Variants in OPCML observed in about 807,000 individuals in gnomAD.
OPCML encodes opioid binding protein/cell adhesion molecule like.
Under a neutral mutation model 37.8 loss-of-function variants are expected in OPCML, and 13 were observed. The ratio of observed to expected loss-of-function variants is 0.34; its 90% CI spans 0.22 to 0.55. The LOEUF is 0.55. OPCML is among the 20% of genes least tolerant of loss of function. The pLI is 0.91. For synonymous variants in OPCML, 176 were observed against 168.8 expected (o/e 1.04, Z -0.33); for missense variants, 341 against 435.6 (o/e 0.78, Z 1.93).
chr11:132,690,791 G>A (rs1188550052), intron 2 of OPCML, among the ~76,000 whole-genome samples: 1 of 152,186 alleles, frequency 6.6e-6, no homozygotes, highest in Non-Finnish European at 1.5e-5. Flanking sequence ...AAAGAGGCAG[G>A]AACTCATTGC....
intron 1 of OPCML, among the ~76,000 whole-genome samples, chr11:133,129,272 C>A (rs1489474753): frequency 2.0e-5 from 3 of 152,072 alleles, no homozygotes; most frequent in Non-Finnish European, 4.4e-5. Flanking sequence ...TCAGACCATG[C>A]ACGTAAGGGA....
chr11:132,755,840 T>C (rs1460801491), intron 2 of OPCML, among the ~76,000 whole-genome samples: 1 of 152,168 alleles, frequency 6.6e-6, no homozygotes, highest in African/African-American at 2.4e-5. Flanking sequence ...TCTACACATC[T>C]CCAGAGTGTG....
At chr11:132,450,145 G>T (rs536292602) in intron 4 of OPCML, among the ~76,000 whole-genome samples, 1 of 152,294 alleles carries the variant, frequency 6.6e-6, no homozygotes, top group East Asian at 1.9e-4. Flanking sequence ...TCCTTGCTGG[G>T]TCTTCATGTG....
chr11:133,207,954 G>GA (rs774698592), intron 1 of OPCML, among the ~76,000 whole-genome samples: 8 of 152,060 alleles, frequency 5.3e-5, no homozygotes, highest in East Asian at 1.9e-4. Context: ...GTTTTTGCCT[G>GA]AAAAATATTT....
chr11:132,832,571 CAAAAGCTCAAAGAAACAAAAACGTGAAA>C (rs1188220958), intron 2 of OPCML, among the ~76,000 whole-genome samples: 2 of 152,120 alleles, frequency 1.3e-5, no homozygotes, highest in Non-Finnish European at 2.9e-5. Flanking sequence ...TCTTTTTTAA[CAAAAGCTCAAAGAAACAAAAACGTGAAA>C]AAAATGATTC....
intron 1 of OPCML, among the ~76,000 whole-genome samples, chr11:133,436,561 T>C (rs1436683551): frequency 6.6e-6 from 1 of 152,198 alleles, no homozygotes; most frequent in Non-Finnish European, 1.5e-5. Context: ...GAGTCCAGCA[T>C]CCCACATTCA....
chr11:132,823,522 T>C (rs2136255608), intron 2 of OPCML, among the ~76,000 whole-genome samples: 1 of 151,934 alleles, frequency 6.6e-6, no homozygotes, highest in East Asian at 1.9e-4. Context: ...ATCATCAATA[T>C]ACGCTTCTCT....
intron 3 of OPCML, among the ~76,000 whole-genome samples, chr11:132,647,818 A>ATTG (rs1371152601): frequency 1.3e-5 from 2 of 152,154 alleles, no homozygotes; most frequent in African/African-American, 4.8e-5. Flanking sequence ...GATGATAACC[A>ATTG]TTGTTTATAA....
intron 1 of OPCML, among the ~76,000 whole-genome samples, chr11:133,078,425 G>A (rs1591980264): frequency 6.6e-6 from 1 of 152,322 alleles, no homozygotes; most frequent in East Asian, 1.9e-4. Context: ...AGCAGAGACT[G>A]AGGATAAAAG....
intron 1 of OPCML, among the ~76,000 whole-genome samples, chr11:133,263,476 C>T (rs1941555660): frequency 6.6e-6 from 1 of 152,196 alleles, no homozygotes; most frequent in Non-Finnish European, 1.5e-5. Context: ...CAGCAGTAGG[C>T]TCTGCCCTAC....
intron 2 of OPCML, among the ~76,000 whole-genome samples, chr11:132,832,352 AAATCAT>A (rs1179226502): frequency 6.6e-6 from 1 of 152,120 alleles, no homozygotes; most frequent in Admixed American, 6.5e-5. Flanking sequence ...CCTAAACCTC[AAATCAT>A]AATGAAAGAG....
At chr11:132,936,605 C>T (rs1034365201) in intron 2 of OPCML, among the ~76,000 whole-genome samples, 9 of 152,076 alleles carry the variant, frequency 5.9e-5, no homozygotes, top group African/African-American at 1.7e-4. Context: ...CCTGTAGTGG[C>T]GCTAGGTACA....
chr11:133,527,582 C>CT (rs1948515182), intron 1 of OPCML, among the ~76,000 whole-genome samples: 1 of 152,146 alleles, frequency 6.6e-6, no homozygotes, highest in African/African-American at 2.4e-5. Context: ...ATGGAATGTC[C>CT]TCTCCCCTTC....
intron 4 of OPCML, among the ~76,000 whole-genome samples, chr11:132,447,232 C>T (rs1355089608): frequency 6.6e-6 from 1 of 152,196 alleles, no homozygotes; most frequent in East Asian, 1.9e-4. Flanking sequence ...TGTTGTTTTC[C>T]TGAGCTGGGT....
chr11:133,176,322 G>T, intron 1 of OPCML, among the ~76,000 whole-genome samples: 1 of 146,828 alleles, frequency 6.8e-6, no homozygotes. Flanking sequence ...GAGCAATGCA[G>T]TAGCCTTCAT....
intron 1 of OPCML, among the ~76,000 whole-genome samples, chr11:133,258,344 G>A (rs1475638161): frequency 6.6e-6 from 1 of 152,176 alleles, no homozygotes; most frequent in Non-Finnish European, 1.5e-5. Flanking sequence ...GGAAAGACTG[G>A]CTCTACAAGC....
chr11:133,522,361 T>C (rs959245106), intron 1 of OPCML, among the ~76,000 whole-genome samples: 4 of 152,212 alleles, frequency 2.6e-5, no homozygotes, highest in Non-Finnish European at 5.9e-5. Flanking sequence ...GCATTTGGTA[T>C]TGTACTACCC....
intron 1 of OPCML, among the ~76,000 whole-genome samples, chr11:133,168,799 A>G (rs1287960750): frequency 1.3e-5 from 2 of 152,226 alleles, no homozygotes; most frequent in Non-Finnish European, 2.9e-5. Flanking sequence ...TTCTTTATAC[A>G]TGTTACATTA....
At chr11:133,312,324 A>G (rs1353888938) in intron 1 of OPCML, among the ~76,000 whole-genome samples, 1 of 152,228 alleles carries the variant, frequency 6.6e-6, no homozygotes, top group East Asian at 1.9e-4. Flanking sequence ...CACAAAGGAC[A>G]TCATCAACAG....
Sources: allele counts gnomAD v4.1 joint callset (sites outside exome capture counted in the v4.1 genomes callset), GRCh38; gene constraint gnomAD v4.1.1; transcripts MANE v1.5; gene names NCBI Gene and HGNC (gene_info 2026-07-23, HGNC 2026-07-21).